The following KCNQ1 variants were observed in gnomAD, a reference collection of about 807,000 sequenced individuals.
KCNQ1 encodes potassium voltage-gated channel subfamily Q member 1.
Under a neutral mutation model 72.4 loss-of-function variants are expected in KCNQ1, and 49 were observed. The ratio of observed to expected loss-of-function variants is 0.68; its 90% CI spans 0.54 to 0.86. KCNQ1 has a LOEUF of 0.86. Among genes scored for constraint, KCNQ1 ranks in the 40% least tolerant of loss-of-function variants. The pLI, the probability that KCNQ1 is intolerant of heterozygous loss-of-function variation, is 0.00. For missense variants in KCNQ1, 790 were observed against 945.1 expected (o/e 0.84, Z 2.15); for synonymous variants, 450 against 412.6 (o/e 1.09, Z -1.10).
chr11:2,488,288 T>C lies in KCNQ1; in HGVS notation c.387-39640T>C, dbSNP rs1365791044. Among the ~76,000 whole-genome samples the C allele has an allele frequency of 6.6e-6, 1 of 152,232 alleles. No homozygotes were observed. The highest frequency in any genetic ancestry group is 6.5e-5 in the Admixed American group (1 of 15,280). On this transcript the variant is annotated intron_variant, in intron 1 of 15. Coordinates refer to ENST00000155840, the MANE Select transcript of KCNQ1 (RefSeq NM_000218.3). The surrounding 1 kb of genome is among the most constrained non-coding windows in gnomAD (Gnocchi z 5.1). ...TTGCTATTTTGTTGAGAATTTTGCATCAGTTTTCATAAGGGATATTGGTCT... is the reference window on the plus strand; with the variant it reads ...TTGCTATTTTGTTGAGAATTTTGCACCAGTTTTCATAAGGGATATTGGTCT...
At chr11:2,749,064 ACT>A (rs1491272090) in intron 11 of KCNQ1, among the ~76,000 whole-genome samples, 2 of 152,178 alleles carry the variant, frequency 1.3e-5, no homozygotes, top group African/African-American at 4.8e-5. Flanking sequence ...ATAAAAAGTA[ACT>A]CTGAAACCTG....
chr11:2,665,251 A>C (rs957336988), intron 11 of KCNQ1: 3 of 398,488 alleles, frequency 7.5e-6, no homozygotes, highest in Non-Finnish European at 1.3e-5. Flanking sequence ...AGTCCCTGCC[A>C]GCCTCAAACT....
At chr11:2,512,513 A>C (rs1349784381) in intron 1 of KCNQ1, among the ~76,000 whole-genome samples, 1 of 152,196 alleles carries the variant, frequency 6.6e-6, no homozygotes, top group African/African-American at 2.4e-5. Context: ...GTCTTCCCTC[A>C]AGACAAGTGT....
intron 10 of KCNQ1, among the ~76,000 whole-genome samples, chr11:2,604,503 A>C (rs565761589): frequency 6.6e-6 from 1 of 151,980 alleles, no homozygotes; most frequent in South Asian, 2.1e-4. Context: ...GGAAGAAAAG[A>C]AAGAGATATG....
rs1850116956 is a variant in KCNQ1, at chr11:2,668,141, G to A, written c.1514+6060G>A. 3 of 398,512 alleles carry A rather than the reference G, an allele frequency of 7.5e-6. No individual in the cohort carries two copies. Among genetic ancestry groups the A allele is most frequent in the Admixed American group, 8.8e-5 (2 of 22,712 alleles). 24.7% of individuals were successfully genotyped at this position (398,512 alleles called of 1,614,324 possible). On this transcript the variant is annotated intron_variant, in intron 11 of 15. Coordinates refer to ENST00000155840, the MANE Select transcript of KCNQ1 (RefSeq NM_000218.3). The surrounding 1 kb of genome is among the most constrained non-coding windows in gnomAD (Gnocchi z 4.3). ...TGTCTGGCAGCCTCTCTATGGGGCT[G>A]AAGGGAGAGTGCTCCCTCATGCTCC... is the stretch of plus-strand genomic sequence containing the variant.
chr11:2,651,096 C>T lies in KCNQ1; in HGVS notation c.1394-10865C>T. Reference sequence around the variant, plus strand: ...CTCATTACTGGTCTCTTGATTTCCACTCTTGCTTCCTGTACTCCATTCTTC... The same window carrying T: ...CTCATTACTGGTCTCTTGATTTCCATTCTTGCTTCCTGTACTCCATTCTTC... On this transcript the variant is annotated intron_variant, in intron 10 of 15. Coordinates refer to ENST00000155840, the MANE Select transcript of KCNQ1 (RefSeq NM_000218.3). The surrounding 1 kb of genome is among the most constrained non-coding windows in gnomAD (Gnocchi z 6.1). 1 of 398,752 alleles carries T rather than the reference C, an allele frequency of 2.5e-6. No individual in the cohort carries two copies. The allele number at this position is 398,752 out of a possible 1,614,324, so 24.7% of individuals were successfully genotyped here. A position where few individuals can be genotyped will look rare whatever the true frequency, so the allele number is the denominator to read the frequency against.
intron 1 of KCNQ1, among the ~76,000 whole-genome samples, chr11:2,449,740 G>A (rs573964277): frequency 1.1e-4 from 16 of 152,262 alleles, no homozygotes; most frequent in Non-Finnish European, 7.4e-5. Flanking sequence ...AACTCCACCC[G>A]GGTGGCTGAT....
intron 6 of KCNQ1, among the ~76,000 whole-genome samples, chr11:2,574,082 G>C (rs1327010321): frequency 6.6e-6 from 1 of 152,194 alleles, no homozygotes; most frequent in Non-Finnish European, 1.5e-5. Context: ...TGCTTCTAGG[G>C]GGAACACGTG....
intron 15 of KCNQ1, among the ~76,000 whole-genome samples, chr11:2,790,518 A>ACAGAC (rs761881281): frequency 1.3e-5 from 2 of 152,184 alleles, no homozygotes; most frequent in Admixed American, 1.3e-4. Context: ...AGGGCCACAC[A>ACAGAC]CAGACCCCTT....
intron 15 of KCNQ1, among the ~76,000 whole-genome samples, chr11:2,837,660 G>A (rs1848101441): frequency 6.6e-6 from 1 of 152,176 alleles, no homozygotes; most frequent in South Asian, 2.1e-4. Flanking sequence ...CAAACCAGGA[G>A]GGGGAAGGGA....
chr11:2,448,444 G>C (rs1444543774), intron 1 of KCNQ1, among the ~76,000 whole-genome samples: 1 of 152,226 alleles, frequency 6.6e-6, no homozygotes, highest in Non-Finnish European at 1.5e-5. Context: ...GGCTGATCTG[G>C]CTGCCTCCCC....
In KCNQ1 at chr11:2,783,649, C is replaced by G. The variant is rs1212388175; in HGVS notation, c.1794+5612C>G. On this transcript the variant is annotated intron_variant, in intron 15 of 15. Coordinates refer to ENST00000155840, the MANE Select transcript of KCNQ1 (RefSeq NM_000218.3). This position sits in a 1 kb window ranked among gnomAD's most constrained non-coding sequence, Gnocchi z 5.2. ...GTAAAGTATAAAGGTTCCACTTTCT[C>G]CACAGCCTTGCAAATACATGGTCTT... Among the ~76,000 whole-genome samples the G allele has an allele frequency of 6.6e-6, 1 of 152,040 alleles. No individual in the cohort carries two copies. Among genetic ancestry groups the G allele is most frequent in the Non-Finnish European group, 1.5e-5 (1 of 67,904 alleles).
At chr11:2,696,296 G>C (rs1005173347) in intron 11 of KCNQ1, 1 of 398,504 alleles carries the variant, frequency 2.5e-6, no homozygotes. Flanking sequence ...TAGGGGCTCA[G>C]TTAGGAATCC....
rs555766282 is a variant in KCNQ1 at position 2,450,087 on chromosome 11, G to A, written c.386+4603G>A. Among the ~76,000 whole-genome samples the A allele has an allele frequency of 7.4e-4, 112 of 152,298 alleles. No homozygotes were observed. Among genetic ancestry groups the A allele is most frequent in the Middle Eastern group, 3.4e-3 (1 of 294 alleles). ...GCCCCCAGTTCCCTGCATTCCACCCGCCTTGTCTGGGAGGTGGACGAGCCC... is the reference window on the plus strand; with the variant it reads ...GCCCCCAGTTCCCTGCATTCCACCCACCTTGTCTGGGAGGTGGACGAGCCC... On this transcript the variant is annotated intron_variant, in intron 1 of 15. Coordinates refer to ENST00000155840, the MANE Select transcript of KCNQ1 (RefSeq NM_000218.3). The surrounding 1 kb of genome is among the most constrained non-coding windows in gnomAD (Gnocchi z 7.9).
In KCNQ1 at chr11:2,578,358, C is replaced by T. The variant is rs999783113; in HGVS notation, c.922-5077C>T. Among the ~76,000 whole-genome samples, 7 of 152,346 alleles carry T rather than the reference C, an allele frequency of 4.6e-5. No individual in the cohort carries two copies. In the South Asian group the frequency reaches 8.3e-4, roughly 18 times the overall value. On this transcript the variant is annotated intron_variant, in intron 6 of 15. Coordinates refer to ENST00000155840, the MANE Select transcript of KCNQ1 (RefSeq NM_000218.3). ...GCCACAGGACTTCCAGGCAAGGTGA[C>T]GGTGCCAGGTGGGGCCCGAGGCCCT...
At chr11:2,806,162 G>A (rs1173983497) in intron 15 of KCNQ1, among the ~76,000 whole-genome samples, 3 of 152,194 alleles carry the variant, frequency 2.0e-5, no homozygotes, top group Non-Finnish European at 4.4e-5. Context: ...GCCCGGAAAC[G>A]TGTCTCTGGA....
intron 6 of KCNQ1, among the ~76,000 whole-genome samples, chr11:2,581,843 A>G (rs2133748084): frequency 6.6e-6 from 1 of 152,296 alleles, no homozygotes; most frequent in East Asian, 1.9e-4. Context: ...CCTGGCAGTA[A>G]ACAGCTTCCT....
At chr11:2,716,565 C>A (rs757321071) in intron 11 of KCNQ1, among the ~76,000 whole-genome samples, 1 of 152,220 alleles carries the variant, frequency 6.6e-6, no homozygotes, top group South Asian at 2.1e-4. Context: ...GCTTGCCAAG[C>A]GGTGTTAGGA....
At chr11:2,609,425 G>A in intron 10 of KCNQ1, 2 of 398,410 alleles carry the variant, frequency 5.0e-6, no homozygotes, top group East Asian at 7.1e-5. Flanking sequence ...ATGCAGGTTT[G>A]TTTCGTGACT....
Sources: gnomAD v4.1 joint callset for allele counts (sites outside exome capture counted in the v4.1 genomes callset) on GRCh38, gnomAD v4.1.1 for gene constraint, Gnocchi (gnomAD v3.1) non-coding constraint, MANE v1.5 for transcripts, NCBI Gene and HGNC (gene_info 2026-07-23, HGNC 2026-07-21) for gene names.